The following FCHSD2 variants were observed in gnomAD, a reference collection of about 807,000 sequenced individuals.
FCHSD2 encodes the protein F-BAR and double SH3 domains protein 2.
In FCHSD2, 38 loss-of-function variants were observed where a neutral mutation model predicts 108.1. The ratio of observed to expected loss-of-function variants is 0.35; its 90% CI spans 0.27 to 0.46. FCHSD2 has a LOEUF of 0.46. Ranked by LOEUF, FCHSD2 falls within the 20% of genes least tolerant of loss-of-function variation. The pLI, the probability that FCHSD2 is intolerant of heterozygous loss-of-function variation, is 1.00. For missense variants in FCHSD2, 751 were observed against 897.8 expected, an observed-to-expected ratio of 0.84 and a Z score of 2.09; for synonymous variants, 279 against 314.7, an observed-to-expected ratio of 0.89 and a Z score of 1.20.
At chr11:73,035,206 GTA>G (rs1858461826) in intron 3 of FCHSD2, among the ~76,000 whole-genome samples, 1 of 46,112 alleles carries the variant, frequency 2.2e-5, no homozygotes, top group African/African-American at 7.3e-5. Flanking sequence ...ATGTATGTAC[GTA>G]CTAAGACAAG....
chr11:73,110,973 T>G (rs546289491), intron 2 of FCHSD2, among the ~76,000 whole-genome samples: 35 of 152,344 alleles, frequency 2.3e-4, no homozygotes, highest in South Asian at 1.4e-3. Context: ...TGTGGTTATA[T>G]AGTTTCCAAA....
Position 73,102,644 on chromosome 11 carries a change from G to A in FCHSD2, c.120-18904C>T, listed in dbSNP as rs888546501. Among the ~76,000 whole-genome samples, 12 of 152,306 alleles carry A rather than the reference G, an allele frequency of 7.9e-5. No homozygotes were observed. In the South Asian group the frequency reaches 8.3e-4, roughly 11 times the overall value. Reference sequence around the variant, plus strand: ...GAGATGATTAGGCCATGAGGGCTCTGCCCTCATAGGGGTGAGATTAATGCC... The same window carrying A: ...GAGATGATTAGGCCATGAGGGCTCTACCCTCATAGGGGTGAGATTAATGCC... On this transcript the variant is annotated intron_variant, in intron 2 of 19. Coordinates refer to ENST00000409418, the MANE Select transcript of FCHSD2 (RefSeq NM_014824.3).
chr11:72,867,873 A>T lies in FCHSD2; in HGVS notation c.1300T>A (p.Leu434Ile). The change falls in exon 13 of 20, where the codon TTA (leucine) becomes ATA (isoleucine). Residue 434 changes from leucine (L) to isoleucine (I), a missense_variant. Coordinates refer to ENST00000409418, the MANE Select transcript of FCHSD2 (RefSeq NM_014824.3). ...RPPAVTSNGTLHSLNADTERE... is the reference protein window; with the variant it reads ...RPPAVTSNGTIHSLNADTERE... ...AAGAAAAGAAATCGTACCGAGTGTAAAGTGCCATTACTGGTCACTGCAGGA... is the reference window on the plus strand; with the variant it reads ...AAGAAAAGAAATCGTACCGAGTGTATAGTGCCATTACTGGTCACTGCAGGA... The T allele has an allele frequency of 6.2e-7, 1 of 1,612,100 alleles. No homozygotes were observed. Among genetic ancestry groups the T allele is most frequent in the Non-Finnish European group, 8.5e-7 (1 of 1,179,204 alleles).
chr11:72,863,649 A>G (rs2135195693), intron 13 of FCHSD2, among the ~76,000 whole-genome samples: 1 of 152,352 alleles, frequency 6.6e-6, no homozygotes, highest in East Asian at 1.9e-4. Context: ...TGCAATAAAA[A>G]TAAAACAAAC....
At chr11:73,141,645 G>C (rs551116605) in intron 1 of FCHSD2, among the ~76,000 whole-genome samples, 1 of 152,332 alleles carries the variant, frequency 6.6e-6, no homozygotes, top group African/African-American at 2.4e-5. Context: ...GGTCTCCTGC[G>C]TTAGAGGACG....
chr11:72,997,446 T>C (rs889253038), intron 5 of FCHSD2, among the ~76,000 whole-genome samples: 2 of 152,112 alleles, frequency 1.3e-5, no homozygotes, highest in Non-Finnish European at 1.5e-5. Flanking sequence ...ACAGTTTTTA[T>C]CCACAATGTC....
intron 3 of FCHSD2, among the ~76,000 whole-genome samples, chr11:73,075,279 T>C (rs1033932139): frequency 1.3e-5 from 2 of 152,140 alleles, no homozygotes; most frequent in Non-Finnish European, 1.5e-5. Flanking sequence ...ACATAACCTA[T>C]GACACAACAA....
intron 8 of FCHSD2, among the ~76,000 whole-genome samples, chr11:72,926,320 T>G (rs1047336853): frequency 4.6e-5 from 7 of 152,114 alleles, no homozygotes; most frequent in African/African-American, 1.7e-4. Context: ...ATAAAAGCCC[T>G]GGGCTCAGAC....
In FCHSD2 at chr11:72,920,860, T is replaced by C. The variant is rs1855964326; in HGVS notation, c.828+968A>G. On this transcript the variant is annotated intron_variant, in intron 9 of 19. Transcript: ENST00000409418. ...ACAGGACTTCAAAGCACCAGGCTAGTGATTTTTGTATTTCCGTATCAACCT... is the reference window on the plus strand; with the variant it reads ...ACAGGACTTCAAAGCACCAGGCTAGCGATTTTTGTATTTCCGTATCAACCT... 3.3e-5 allele frequency among the ~76,000 whole-genome samples: 5 copies of C among 152,224 alleles called. No homozygotes were observed. In the South Asian group the frequency reaches 1.0e-3, roughly 31 times the overall value.
At chr11:72,906,773 A>G (rs1022400757) in intron 9 of FCHSD2, among the ~76,000 whole-genome samples, 2 of 152,074 alleles carry the variant, frequency 1.3e-5, no homozygotes, top group Non-Finnish European at 2.9e-5. Context: ...GTTCTGTTCC[A>G]CTGGTCTATG....
At chr11:72,920,931 C>T (rs2135309769) in intron 9 of FCHSD2, among the ~76,000 whole-genome samples, 1 of 152,198 alleles carries the variant, frequency 6.6e-6, no homozygotes. Context: ...AGCTCTGGTA[C>T]AGTGAAAACA....
chr11:72,843,923 G>A (rs1464181800), intron 14 of FCHSD2, among the ~76,000 whole-genome samples: 6 of 151,822 alleles, frequency 4.0e-5, no homozygotes, highest in Admixed American at 6.6e-5. Flanking sequence ...TGGGAGGATC[G>A]CTTGAGCCTG....
chr11:72,990,758 A>G (rs1384175557), intron 5 of FCHSD2, among the ~76,000 whole-genome samples: 1 of 152,248 alleles, frequency 6.6e-6, no homozygotes, highest in East Asian at 1.9e-4. Context: ...AGAAAGCAGG[A>G]AAGATCTAAA....
chr11:72,962,769 A>T (rs1316744506), intron 8 of FCHSD2, among the ~76,000 whole-genome samples: 1 of 152,132 alleles, frequency 6.6e-6, no homozygotes, highest in African/African-American at 2.4e-5. Context: ...AAAAAAAAAA[A>T]TCACACCAAA....
At chr11:73,082,346 AAAAAAAAAAAAAAAAAG>A (rs1859712180) in intron 3 of FCHSD2, among the ~76,000 whole-genome samples, 2 of 147,248 alleles carry the variant, frequency 1.4e-5, no homozygotes, top group African/African-American at 2.5e-5. Flanking sequence ...AAAAAAAAAA[AAAAAAAAAAAAAAAAAG>A]AAAAGAAAAA....
intron 2 of FCHSD2, among the ~76,000 whole-genome samples, chr11:73,090,486 A>G (rs971419280): frequency 6.6e-6 from 1 of 152,062 alleles, no homozygotes; most frequent in Non-Finnish European, 1.5e-5. Context: ...CGGCCTCCCA[A>G]AGTGCTGGGA....
At chr11:72,911,953 C>T (rs1445614024) in intron 9 of FCHSD2, among the ~76,000 whole-genome samples, 1 of 152,098 alleles carries the variant, frequency 6.6e-6, no homozygotes, top group Middle Eastern at 3.2e-3. Context: ...TTTCAGAATG[C>T]TTACTGTTCA....
At chr11:72,878,961 T>C (rs968126614) in intron 12 of FCHSD2, among the ~76,000 whole-genome samples, 16 of 151,582 alleles carry the variant, frequency 1.1e-4, no homozygotes, top group Non-Finnish European at 1.6e-4. Context: ...ACAAAAAAAA[T>C]TAGCTGGTTT....
At chr11:73,078,958 A>G (rs1468688350) in intron 3 of FCHSD2, among the ~76,000 whole-genome samples, 1 of 151,986 alleles carries the variant, frequency 6.6e-6, no homozygotes, top group East Asian at 1.9e-4. Context: ...ATCTAAAGTG[A>G]TCAATATGAT....
Sources: gnomAD v4.1 joint callset for allele counts (sites outside exome capture counted in the v4.1 genomes callset) on GRCh38, gnomAD v4.1.1 for gene constraint, MANE v1.5 for transcripts, NCBI Gene and HGNC (gene_info 2026-07-23, HGNC 2026-07-21) for gene names.